Variants in RIMS2 observed in about 807,000 individuals in gnomAD.
RIMS2 encodes regulating synaptic membrane exocytosis 2, also known as regulating synaptic membrane exocytosis protein 2.
RIMS2 carries 59 observed loss-of-function variants against 174.4 expected under a neutral mutation model. The ratio of observed to expected loss-of-function variants is 0.34; its 90% CI spans 0.27 to 0.42. RIMS2 has a LOEUF of 0.42. Ranked by LOEUF, RIMS2 falls within the 10% of genes least tolerant of loss-of-function variation. RIMS2 has a pLI of 1.00. For synonymous variants in RIMS2, 606 were observed against 572.5 expected, an observed-to-expected ratio of 1.06 and a Z score of -0.84; for missense variants, 1,620 against 1,666.3, an observed-to-expected ratio of 0.97 and a Z score of 0.48.
At chr8:103,900,438 A>AGAAC (rs1487070748) in intron 4 of RIMS2, among the ~76,000 whole-genome samples, 2 of 148,640 alleles carry the variant, frequency 1.3e-5, no homozygotes, top group East Asian at 3.9e-4. Context: ...TGGCCAGGCC[A>AGAAC]TTATAGTAGT....
Position 103,707,875 on chromosome 8 carries a change from G to A in RIMS2, c.387+10579G>A, listed in dbSNP as rs528074177. 2.8e-3 allele frequency among the ~76,000 whole-genome samples: 422 copies of A among 152,272 alleles called. 5 individuals carry two copies. Among genetic ancestry groups the A allele is most frequent in the Non-Finnish European group, 4.4e-3 (301 of 68,006 alleles). On this transcript the variant is annotated intron_variant, in intron 2 of 23. Transcript: ENST00000504942. ...TGCCAGGGCAACATATTTCCTTTTGGCCTAGGGTGCGTCTAGAAGGACCAT... is the reference window on the plus strand; with the variant it reads ...TGCCAGGGCAACATATTTCCTTTTGACCTAGGGTGCGTCTAGAAGGACCAT...
chr8:103,738,653 C>A (rs996851124), intron 2 of RIMS2, among the ~76,000 whole-genome samples: 1 of 152,080 alleles, frequency 6.6e-6, no homozygotes, highest in Admixed American at 6.6e-5. Context: ...AGCTAATATC[C>A]AGAATCTACA....
At chr8:103,593,020 A>G (rs1248095697) in intron 1 of RIMS2, among the ~76,000 whole-genome samples, 1 of 151,418 alleles carries the variant, frequency 6.6e-6, no homozygotes, top group Non-Finnish European at 1.5e-5. Flanking sequence ...ATTTGAAAGA[A>G]GTGCCAAACT....
intron 3 of RIMS2, among the ~76,000 whole-genome samples, chr8:103,882,788 C>T (rs2154518928): frequency 6.6e-6 from 1 of 151,452 alleles, no homozygotes; most frequent in South Asian, 2.1e-4. Context: ...GAACTGAATT[C>T]CATAATAGGA....
chr8:103,616,168 T>C (rs557933827), intron 1 of RIMS2, among the ~76,000 whole-genome samples: 1 of 152,212 alleles, frequency 6.6e-6, no homozygotes, highest in South Asian at 2.1e-4. Flanking sequence ...GGCTAATCCA[T>C]CATAATCAGG....
intron 13 of RIMS2, among the ~76,000 whole-genome samples, chr8:103,939,076 T>C (rs2081963575): frequency 6.6e-6 from 1 of 152,068 alleles, no homozygotes; most frequent in Non-Finnish European, 1.5e-5. Context: ...CATTCTGGGG[T>C]CTGGAGGTTG....
At chr8:104,249,619 T>A (rs775646439) in intron 22 of RIMS2, 31 bp downstream of exon 28, 2 of 1,196,892 alleles carry the variant, frequency 1.7e-6, no homozygotes, top group Non-Finnish European at 2.5e-6. Flanking sequence ...TCTATTATTG[T>A]CCATAATCCA....
chr8:104,181,166 A>T (rs1182083965), intron 19 of RIMS2, among the ~76,000 whole-genome samples: 1 of 151,682 alleles, frequency 6.6e-6, no homozygotes, highest in Non-Finnish European at 1.5e-5. Flanking sequence ...CAAAAGCAAA[A>T]TAGAATAGGT....
intron 4 of RIMS2, among the ~76,000 whole-genome samples, chr8:103,889,350 A>G (rs10955332): frequency 0.16 from 24,905 of 151,658 alleles, 2,180 homozygotes; most frequent in Middle Eastern, 0.26. Context: ...ACTCCAAAGA[A>G]TGTGTTTTAC....
chr8:103,752,398 T>G (rs547190467), intron 2 of RIMS2, among the ~76,000 whole-genome samples: 73 of 152,254 alleles, frequency 4.8e-4, no homozygotes, highest in Non-Finnish European at 2.4e-4. Flanking sequence ...GCCTCCAGCT[T>G]TGTTCTTTTG....
At chr8:104,155,339 C>T (rs2098715571) in intron 19 of RIMS2, among the ~76,000 whole-genome samples, 2 of 151,070 alleles carry the variant, frequency 1.3e-5, no homozygotes, top group East Asian at 2.0e-4. Flanking sequence ...ATCTCCTGAC[C>T]TCGTGATCTG....
chr8:104,124,549 C>A (rs1250309169), intron 19 of RIMS2, among the ~76,000 whole-genome samples: 1 of 152,046 alleles, frequency 6.6e-6, no homozygotes, highest in Non-Finnish European at 1.5e-5. Flanking sequence ...GCCCCTCATG[C>A]CAAAAGTATC....
At chr8:103,992,274 ATT>A (rs1186537194) in intron 17 of RIMS2, among the ~76,000 whole-genome samples, 2,486 of 107,046 alleles carry the variant, frequency 0.023, 28 homozygotes, top group African/African-American at 0.036. Flanking sequence ...ATGTCCAGCT[ATT>A]TTTTTTTTTT....
At chr8:103,680,799 A>G (rs537283435) in intron 1 of RIMS2, among the ~76,000 whole-genome samples, 11 of 152,082 alleles carry the variant, frequency 7.2e-5, no homozygotes, top group African/African-American at 2.6e-4. Flanking sequence ...ATACCTATCA[A>G]ATCAGCAAAA....
intron 3 of RIMS2, among the ~76,000 whole-genome samples, chr8:103,884,072 C>T (rs902049522): frequency 6.6e-6 from 1 of 151,790 alleles, no homozygotes; most frequent in Non-Finnish European, 1.5e-5. Flanking sequence ...CTTCTGTTTT[C>T]GTTAGTGAAC....
At chr8:103,768,988 C>G (rs959271692) in intron 3 of RIMS2, 1 of 352,430 alleles carries the variant, frequency 2.8e-6, no homozygotes, top group African/African-American at 2.2e-5. Flanking sequence ...GCTTTCCTGT[C>G]TGCAAGCTTC....
At chr8:104,238,213 C>G (rs557203270) in intron 19 of RIMS2, among the ~76,000 whole-genome samples, 2 of 152,066 alleles carry the variant, frequency 1.3e-5, no homozygotes, top group Admixed American at 1.3e-4. Flanking sequence ...AAACCAAACA[C>G]CGCATGTTCT....
At chr8:103,527,264 C>A (rs919564095) in intron 1 of RIMS2, among the ~76,000 whole-genome samples, 35 of 152,208 alleles carry the variant, frequency 2.3e-4, no homozygotes, top group African/African-American at 8.4e-4. Context: ...CCCTCAGTAT[C>A]ACTGGAGAAT....
intron 19 of RIMS2, among the ~76,000 whole-genome samples, chr8:104,108,745 A>G (rs770277993): frequency 6.6e-5 from 10 of 152,172 alleles, no homozygotes; most frequent in Admixed American, 2.6e-4. Flanking sequence ...AAATATTTTG[A>G]GTAGATATAT....
Sources: allele counts gnomAD v4.1 joint callset (sites outside exome capture counted in the v4.1 genomes callset), GRCh38; gene constraint gnomAD v4.1.1; transcripts MANE v1.5; gene names NCBI Gene and HGNC (gene_info 2026-07-23, HGNC 2026-07-21).